The following PPARGC1A variants were observed in gnomAD, a reference collection of about 807,000 sequenced individuals.
PPARGC1A encodes peroxisome proliferator-activated receptor gamma coactivator 1-alpha.
In PPARGC1A, 25 loss-of-function variants were observed where a neutral mutation model predicts 88.7. The observed-to-expected ratio is 0.28, with a 90% CI of 0.21 to 0.39. PPARGC1A has a LOEUF of 0.39. PPARGC1A is among the 10% of genes least tolerant of loss of function. The probability of loss-of-function intolerance (pLI) is 1.00; values close to 1 mark genes in which losing one functional copy is unlikely to be tolerated. For missense variants in PPARGC1A, 880 were observed against 968.7 expected (o/e 0.91, Z 1.22); for synonymous variants, 363 against 355.6 (o/e 1.02, Z -0.24).
chr4:24,144,975 T>A, the PPARGC1A span, among the ~76,000 whole-genome samples: 1 of 151,960 alleles, frequency 6.6e-6, no homozygotes, highest in African/African-American at 2.4e-5. Context: ...CTAACTTTTT[T>A]AGTCTGGATC....
the PPARGC1A span, among the ~76,000 whole-genome samples, chr4:24,095,373 T>C: frequency 6.6e-6 from 1 of 152,078 alleles, no homozygotes. Context: ...CGCCTCAGCC[T>C]CCCAAAGTGC....
the PPARGC1A span, among the ~76,000 whole-genome samples, chr4:24,191,856 C>A: frequency 6.6e-6 from 1 of 152,114 alleles, no homozygotes; most frequent in African/African-American, 2.4e-5. Context: ...TTGAGTGCCT[C>A]ATTTGAACAT....
chr4:24,038,986 A>G, the PPARGC1A span, among the ~76,000 whole-genome samples: 1 of 152,138 alleles, frequency 6.6e-6, no homozygotes, highest in Admixed American at 6.6e-5. Context: ...GTCTTACACA[A>G]TTTAATTACA....
the PPARGC1A span, among the ~76,000 whole-genome samples, chr4:23,977,118 G>C: frequency 1.3e-5 from 2 of 152,140 alleles, no homozygotes; most frequent in African/African-American, 2.4e-5. Flanking sequence ...GAGAGGCAGA[G>C]GAAGAGGAGA....
the PPARGC1A span, among the ~76,000 whole-genome samples, chr4:24,416,900 G>A: frequency 1.4e-4 from 22 of 152,152 alleles, no homozygotes; most frequent in African/African-American, 1.9e-4. Context: ...GCATGGTGGC[G>A]TCTGCCTGTA....
chr4:24,467,100 G>A, the PPARGC1A span, among the ~76,000 whole-genome samples: 14 of 124,830 alleles, frequency 1.1e-4, no homozygotes, highest in East Asian at 5.5e-4. Flanking sequence ...GAGAGAGAGA[G>A]AAGGAGGGAG....
At chr4:24,204,928 A>G in the PPARGC1A span, among the ~76,000 whole-genome samples, 13 of 152,010 alleles carry the variant, frequency 8.6e-5, no homozygotes, top group African/African-American at 2.9e-4. Context: ...GGTCCAAGCA[A>G]TTCTCAGTTT....
chr4:24,195,432 A>G, the PPARGC1A span, among the ~76,000 whole-genome samples: 1 of 152,212 alleles, frequency 6.6e-6, no homozygotes, highest in African/African-American at 2.4e-5. Flanking sequence ...ATGGTATTTC[A>G]TAAGCTAGTA....
chr4:23,953,256 C>T, the PPARGC1A span, among the ~76,000 whole-genome samples: 2 of 152,088 alleles, frequency 1.3e-5, no homozygotes, highest in African/African-American at 4.8e-5. Context: ...CATGTTTGGT[C>T]AACTAAGATT....
chr4:24,064,151 A>C, the PPARGC1A span, among the ~76,000 whole-genome samples: 1 of 152,174 alleles, frequency 6.6e-6, no homozygotes, highest in African/African-American at 2.4e-5. Context: ...GCCTCTGACC[A>C]GAAATGAAGC....
At chr4:23,831,199 A>C (rs1221023056) in intron 3 of PPARGC1A, among the ~76,000 whole-genome samples, 1 of 152,186 alleles carries the variant, frequency 6.6e-6, no homozygotes, top group Non-Finnish European at 1.5e-5. Flanking sequence ...AGGATATTGC[A>C]ATCATTTTTA....
At chr4:24,066,339 A>T in the PPARGC1A span, among the ~76,000 whole-genome samples, 1 of 152,168 alleles carries the variant, frequency 6.6e-6, no homozygotes, top group Non-Finnish European at 1.5e-5. Context: ...TGAGAAAAAC[A>T]ACAATGACAA....
chr4:24,112,623 T>C, the PPARGC1A span, among the ~76,000 whole-genome samples: 2 of 152,346 alleles, frequency 1.3e-5, no homozygotes, highest in African/African-American at 4.8e-5. Context: ...ACAACATCAA[T>C]GCCATGATCA....
the PPARGC1A span, among the ~76,000 whole-genome samples, chr4:24,226,439 T>C: frequency 6.6e-6 from 1 of 152,074 alleles, no homozygotes; most frequent in African/African-American, 2.4e-5. Flanking sequence ...TAGGGAGACA[T>C]GAAGAGAGGG....
At chr4:24,463,678 GTTCT>G in the PPARGC1A span, among the ~76,000 whole-genome samples, 3 of 152,152 alleles carry the variant, frequency 2.0e-5, no homozygotes, top group Non-Finnish European at 2.9e-5. Context: ...AGAGGGTGTG[GTTCT>G]TTCTCAAAAT....
At chr4:24,122,434 TATAG>T in the PPARGC1A span, among the ~76,000 whole-genome samples, 505 of 130,156 alleles carry the variant, frequency 3.9e-3, no homozygotes, top group Admixed American at 6.1e-3. Context: ...TATATATATA[TATAG>T]AGAGAGAGAG....
the PPARGC1A span, among the ~76,000 whole-genome samples, chr4:24,149,013 G>A: frequency 6.6e-6 from 1 of 152,050 alleles, no homozygotes; most frequent in Non-Finnish European, 1.5e-5. Flanking sequence ...GCATCCAAAT[G>A]TTCATCTCTG....
At chr4:24,422,291 G>C in the PPARGC1A span, among the ~76,000 whole-genome samples, 1 of 152,148 alleles carries the variant, frequency 6.6e-6, no homozygotes, top group Non-Finnish European at 1.5e-5. Flanking sequence ...AAAGTTTGCT[G>C]ATCTTTGACC....
the PPARGC1A span, among the ~76,000 whole-genome samples, chr4:24,392,090 T>C: frequency 1.2e-4 from 19 of 152,198 alleles, no homozygotes; most frequent in Non-Finnish European, 5.9e-5. Flanking sequence ...AACCTGATAG[T>C]AAGAATTTTA....
Sources: allele counts gnomAD v4.1 joint callset (sites outside exome capture counted in the v4.1 genomes callset), GRCh38; gene constraint gnomAD v4.1.1; transcripts MANE v1.5; gene names NCBI Gene and HGNC (gene_info 2026-07-23, HGNC 2026-07-21).